SENP7: variants seen among roughly 807,000 people sequenced by gnomAD.
The protein encoded by SENP7 is SUMO specific peptidase 7.
Under a neutral mutation model 141.2 loss-of-function variants are expected in SENP7, and 64 were observed. That is an observed-to-expected ratio of 0.45 (90% CI 0.37 to 0.56). The LOEUF (loss-of-function observed/expected upper bound fraction) is 0.56, where lower values mean the gene tolerates loss of function less well. Ranked by LOEUF, SENP7 falls within the 20% of genes least tolerant of loss-of-function variation. SENP7 has a pLI of 0.00. For synonymous variants in SENP7, 382 were observed against 426.4 expected (o/e 0.90, Z 1.28); for missense variants, 1,025 against 1,212.2 (o/e 0.85, Z 2.29).
chr3:101,497,902 A>C (rs2065224158), intron 2 of SENP7, among the ~76,000 whole-genome samples: 1 of 152,220 alleles, frequency 6.6e-6, no homozygotes, highest in Admixed American at 6.5e-5. Context: ...CCCCTGGCTC[A>C]AACGATCTTC....
In SENP7 at chr3:101,458,007, T is replaced by G. The variant is rs2063415341; in HGVS notation, c.284+948A>C. Among the ~76,000 whole-genome samples the G allele has an allele frequency of 2.0e-5, 3 of 152,242 alleles. No homozygotes were observed. The South Asian group carries it at 6.2e-4, about 31-fold the overall frequency. ...AGCATTCCATCTCTCAAACCAAGTA[T>G]AATTATTTATGTAAATCTTTTTGGG... On this transcript the variant is annotated intron_variant, in intron 4 of 23. Transcript: ENST00000394095.
chr3:101,428,989 T>A (rs2062061843), intron 4 of SENP7, among the ~76,000 whole-genome samples: 1 of 152,166 alleles, frequency 6.6e-6, no homozygotes, highest in Admixed American at 6.5e-5. Context: ...TTGTCAAAGA[T>A]CTGATGGTTG....
intron 17 of SENP7, among the ~76,000 whole-genome samples, chr3:101,334,599 A>C (rs945683906): frequency 1.3e-5 from 2 of 152,200 alleles, no homozygotes; most frequent in African/African-American, 4.8e-5. Flanking sequence ...ACTATGTGGA[A>C]GATTAACCAC....
intron 3 of SENP7, among the ~76,000 whole-genome samples, chr3:101,486,511 T>C (rs959553510): frequency 3.9e-5 from 6 of 152,134 alleles, no homozygotes; most frequent in African/African-American, 1.4e-4. Flanking sequence ...AAAGTAAGTA[T>C]CATTTATGAA....
intron 4 of SENP7, among the ~76,000 whole-genome samples, chr3:101,433,947 T>A (rs183644358): frequency 6.1e-5 from 9 of 148,090 alleles, no homozygotes; most frequent in Non-Finnish European, 1.0e-4. Flanking sequence ...CTAATACACA[T>A]TTATAGGCCA....
chr3:101,346,881 C>T (rs764188233), intron 13 of SENP7, among the ~76,000 whole-genome samples: 4 of 150,790 alleles, frequency 2.7e-5, no homozygotes, highest in East Asian at 3.9e-4. Context: ...CAAATACCAC[C>T]GGTTTCCCAA....
intron 1 of SENP7, among the ~76,000 whole-genome samples, chr3:101,502,768 G>C (rs2065440363): frequency 6.6e-6 from 1 of 151,926 alleles, no homozygotes; most frequent in Non-Finnish European, 1.5e-5. Context: ...ATTTAAAAAG[G>C]AGCTGGACAC....
intron 7 of SENP7, among the ~76,000 whole-genome samples, chr3:101,370,856 T>C (rs563351761): frequency 7.9e-4 from 120 of 152,350 alleles, no homozygotes; most frequent in African/African-American, 2.8e-3. Flanking sequence ...TACTGTAGTT[T>C]CATTTTAAAT....
intron 1 of SENP7, among the ~76,000 whole-genome samples, chr3:101,507,366 C>T (rs543237299): frequency 6.6e-6 from 1 of 152,192 alleles, no homozygotes; most frequent in African/African-American, 2.4e-5. Context: ...CATCATCAAG[C>T]CTAGGAATCA....
chr3:101,473,217 T>C (rs1336008488), intron 3 of SENP7, among the ~76,000 whole-genome samples: 4 of 152,380 alleles, frequency 2.6e-5, no homozygotes, highest in Admixed American at 1.3e-4. Context: ...GTCTTTATAA[T>C]AGAACAATGT....
intron 17 of SENP7, 131 bp from the exon 18 acceptor site, chr3:101,332,993 A>G: frequency 1.1e-6 from 1 of 874,516 alleles, no homozygotes; most frequent in Non-Finnish European, 1.7e-6. Flanking sequence ...TATCATATTT[A>G]ACACATTATA....
At chr3:101,416,592 A>C (rs893219482) in intron 5 of SENP7, among the ~76,000 whole-genome samples, 1 of 152,232 alleles carries the variant, frequency 6.6e-6, no homozygotes, top group African/African-American at 2.4e-5. Flanking sequence ...TCTGACTCTT[A>C]AGATTTACAG....
At chr3:101,444,659 G>C (rs530976823) in intron 4 of SENP7, among the ~76,000 whole-genome samples, 1 of 146,750 alleles carries the variant, frequency 6.8e-6, no homozygotes, top group Admixed American at 7.0e-5. Flanking sequence ...ACCAAACACC[G>C]TATACTCTCA....
chr3:101,435,429 T>C (rs2062348340), intron 4 of SENP7, among the ~76,000 whole-genome samples: 2 of 152,080 alleles, frequency 1.3e-5, no homozygotes, highest in South Asian at 4.1e-4. Flanking sequence ...TTGGAAGTCC[T>C]AGCTAGAGCA....
intron 3 of SENP7, among the ~76,000 whole-genome samples, chr3:101,481,077 A>C (rs4683847): frequency 0.41 from 57,171 of 139,526 alleles, 11,145 homozygotes; most frequent in Admixed American, 0.53. Flanking sequence ...AGATTTCCCC[A>C]AAAAAAAAAA....
chr3:101,488,175 T>C (rs886675028), intron 3 of SENP7, among the ~76,000 whole-genome samples: 2 of 152,168 alleles, frequency 1.3e-5, no homozygotes, highest in South Asian at 2.1e-4. Context: ...CTCTTTCACC[T>C]TCTTAGTCAA....
At chr3:101,426,200 G>A (rs2061952332) in intron 4 of SENP7, among the ~76,000 whole-genome samples, 1 of 152,100 alleles carries the variant, frequency 6.6e-6, no homozygotes, top group Non-Finnish European at 1.5e-5. Context: ...AGCTAGAGAG[G>A]CCTAGCAGAG....
intron 4 of SENP7, among the ~76,000 whole-genome samples, chr3:101,455,408 G>A (rs1397227099): frequency 6.6e-6 from 1 of 152,064 alleles, no homozygotes; most frequent in Non-Finnish European, 1.5e-5. Flanking sequence ...CATATAATAA[G>A]TATTTAATAG....
intron 11 of SENP7, among the ~76,000 whole-genome samples, chr3:101,353,988 T>C (rs1187914775): frequency 6.6e-6 from 1 of 152,026 alleles, no homozygotes; most frequent in Non-Finnish European, 1.5e-5. Context: ...TCTGTTACAG[T>C]GCATCCTGAA....
Sources: allele counts gnomAD v4.1 joint callset (sites outside exome capture counted in the v4.1 genomes callset), GRCh38; gene constraint gnomAD v4.1.1; transcripts MANE v1.5; gene names NCBI Gene and HGNC (gene_info 2026-07-23, HGNC 2026-07-21).